The following DDX46 variants were observed in gnomAD, a reference collection of about 807,000 sequenced individuals.
DDX46 encodes the protein DEAD-box helicase 46, also known as probable ATP-dependent RNA helicase DDX46.
A neutral mutation model predicts 134.9 loss-of-function variants in DDX46; 30 were observed. That is an observed-to-expected ratio of 0.22 (90% CI 0.17 to 0.30). The LOEUF is 0.30. DDX46 is among the 10% of genes least tolerant of loss of function. The pLI, the probability that DDX46 is intolerant of heterozygous loss-of-function variation, is 1.00. For missense variants in DDX46, 622 were observed against 1,248.7 expected, an observed-to-expected ratio of 0.50 and a Z score of 7.56; for synonymous variants, 415 against 404.1, an observed-to-expected ratio of 1.03 and a Z score of -0.32.
chr5:134,769,609 C>T (rs777258691), intron 3 of DDX46, among the ~76,000 whole-genome samples: 21 of 149,016 alleles, frequency 1.4e-4, no homozygotes, highest in Admixed American at 6.7e-5. Flanking sequence ...GGTGCAATCT[C>T]GGCTCACTGC....
At chr5:134,792,523 C>T (rs1754534650) in intron 13 of DDX46, among the ~76,000 whole-genome samples, 1 of 152,160 alleles carries the variant, frequency 6.6e-6, no homozygotes, top group African/African-American at 2.4e-5. Context: ...AGATGGAACA[C>T]AGTCACATGC....
At chr5:134,778,813 A>G (rs1454757346) in intron 6 of DDX46, among the ~76,000 whole-genome samples, 2 of 152,080 alleles carry the variant, frequency 1.3e-5, no homozygotes, top group Non-Finnish European at 2.9e-5. Context: ...ACCTCAGGTG[A>G]TCCTCCCGCC....
chr5:134,768,293 G>T (rs944068675), intron 3 of DDX46, among the ~76,000 whole-genome samples: 8 of 151,622 alleles, frequency 5.3e-5, no homozygotes, highest in Non-Finnish European at 8.8e-5. Flanking sequence ...GTATTTTTTA[G>T]TAGAGATGGG....
chr5:134,779,394 A>T (rs1754060933), intron 6 of DDX46, among the ~76,000 whole-genome samples: 1 of 152,050 alleles, frequency 6.6e-6, no homozygotes, highest in Non-Finnish European at 1.5e-5. Context: ...GGGTTTCACC[A>T]TGTTGGCCAT....
chr5:134,816,422 TG>T lies in DDX46; in HGVS notation c.2437-7del. 6.4e-7 allele frequency: 1 copy of T among 1,565,934 alleles called. No homozygotes were observed. On this transcript the variant is annotated splice_polypyrimidine_tract_variant and splice_region_variant and intron_variant, in intron 18 of 22. Coordinates refer to ENST00000452510, the MANE Select transcript of DDX46 (RefSeq NM_001300860.2). ...TTTTTACTAGTCCTTTTTTTCCTTT[TG>T]ATCTAGATTGATGAGCAAATTGAAA... is the stretch of plus-strand genomic sequence containing the variant.
At position 134,785,591 on chromosome 5, in the gene DDX46, T is replaced by A; in HGVS notation, c.1464+5T>A. Reference sequence around the variant, plus strand: ...GGAACAGGAATCAGTGAGCAGGTAGTTATATAAGAAACATTCATGTTTTCC... The same window carrying A: ...GGAACAGGAATCAGTGAGCAGGTAGATATATAAGAAACATTCATGTTTTCC... On this transcript the variant is annotated splice_donor_5th_base_variant and intron_variant, in intron 11 of 22. Transcript: ENST00000452510. 3 of 1,600,936 alleles carry A rather than the reference T, an allele frequency of 1.9e-6. No homozygotes were observed. The highest frequency in any genetic ancestry group is 2.6e-6 in the Non-Finnish European group (3 of 1,175,174).
chr5:134,777,201 G>A (rs2150137410), intron 5 of DDX46, among the ~76,000 whole-genome samples: 1 of 152,318 alleles, frequency 6.6e-6, no homozygotes, highest in Non-Finnish European at 1.5e-5. Flanking sequence ...CTGGGTGACA[G>A]AGCGAGACTC....
At position 134,828,849 on chromosome 5, in the gene DDX46, TA is replaced by T. The variant is rs1305009039; in HGVS notation, c.*146del. On this transcript the variant is annotated 3_prime_UTR_variant, in exon 23 of 23. Transcript: ENST00000452510. ...TTAAATATAAGAAACTGGTACTTGG[TA>T]AAGAAATCTGTCCGTAAGTACCCCC... 8.0e-6 allele frequency: 4 copies of T among 502,084 alleles called. No individual in the cohort carries two copies. Among genetic ancestry groups the T allele is most frequent in the Non-Finnish European group, 1.3e-5 (4 of 318,274 alleles). The allele number at this position is 502,084 out of a possible 1,614,324, so 31.1% of individuals were successfully genotyped here. A position where few individuals can be genotyped will look rare whatever the true frequency, so the allele number is the denominator to read the frequency against.
intron 1 of DDX46, among the ~76,000 whole-genome samples, chr5:134,761,404 G>A (rs1753381521): frequency 6.6e-6 from 1 of 152,190 alleles, no homozygotes; most frequent in South Asian, 2.1e-4. Flanking sequence ...CCTAGTGACC[G>A]GAAGTTGGTA....
intron 9 of DDX46, among the ~76,000 whole-genome samples, chr5:134,783,268 G>A (rs1754213025): frequency 1.3e-5 from 2 of 149,740 alleles, no homozygotes; most frequent in African/African-American, 4.9e-5. Flanking sequence ...TTTGTTTTTT[G>A]AGACAGAGTC....
intron 21 of DDX46, among the ~76,000 whole-genome samples, chr5:134,822,992 A>G (rs1330840343): frequency 6.6e-6 from 1 of 152,090 alleles, no homozygotes; most frequent in Non-Finnish European, 1.5e-5. Flanking sequence ...AATAATACTG[A>G]CTTTTATATT....
chr5:134,799,170 G>A (rs1754754163), intron 15 of DDX46, among the ~76,000 whole-genome samples: 1 of 151,982 alleles, frequency 6.6e-6, no homozygotes, highest in African/African-American at 2.4e-5. Context: ...GACTACATTT[G>A]TTTATGATTT....
intron 13 of DDX46, among the ~76,000 whole-genome samples, chr5:134,792,770 C>G (rs987532756): frequency 6.6e-6 from 1 of 152,034 alleles, no homozygotes; most frequent in African/African-American, 2.4e-5. Flanking sequence ...TATTTATGTC[C>G]GTGTATGTGC....
At chr5:134,826,012 A>G (rs1329843338) in intron 21 of DDX46, 1 of 152,204 alleles carries the variant, frequency 6.6e-6, no homozygotes, top group Non-Finnish European at 1.5e-5. Context: ...CCATCAGAAA[A>G]AATATCTTGT....
intron 15 of DDX46, among the ~76,000 whole-genome samples, chr5:134,802,739 G>T (rs1185269003): frequency 2.0e-5 from 3 of 152,030 alleles, no homozygotes; most frequent in African/African-American, 7.2e-5. Context: ...ACTGGTGTCA[G>T]TCTCTATTGA....
intron 21 of DDX46, among the ~76,000 whole-genome samples, chr5:134,824,854 C>T (rs1755548666): frequency 6.6e-6 from 1 of 152,176 alleles, no homozygotes; most frequent in Non-Finnish European, 1.5e-5. Flanking sequence ...TTTGGCTCAG[C>T]AGCTCCAGGC....
At chr5:134,815,584 G>A (rs1436681981) in intron 18 of DDX46, among the ~76,000 whole-genome samples, 4 of 151,644 alleles carry the variant, frequency 2.6e-5, no homozygotes, top group Non-Finnish European at 2.9e-5. Flanking sequence ...GCGGGCACCT[G>A]TAGTCCCAGC....
intron 19 of DDX46, 36 bp downstream of exon 19, chr5:134,816,642 T>G: frequency 6.3e-7 from 1 of 1,586,262 alleles, no homozygotes; most frequent in South Asian, 1.1e-5. Context: ...TCAATACTTT[T>G]AAGAAGTTCT....
intron 12 of DDX46, among the ~76,000 whole-genome samples, chr5:134,788,917 AT>A (rs933165322): frequency 1.3e-5 from 2 of 151,938 alleles, no homozygotes; most frequent in African/African-American, 4.8e-5. Flanking sequence ...GCAATTTAAA[AT>A]TTTTTTTCAG....
Sources: gnomAD v4.1 joint callset for allele counts (sites outside exome capture counted in the v4.1 genomes callset) on GRCh38, gnomAD v4.1.1 for gene constraint, MANE v1.5 for transcripts, NCBI Gene and HGNC (gene_info 2026-07-23, HGNC 2026-07-21) for gene names.